The following BAZ1B variants were observed in gnomAD, a reference collection of about 807,000 sequenced individuals.
BAZ1B encodes bromodomain adjacent to zinc finger domain 1B, also known as tyrosine-protein kinase BAZ1B.
A neutral mutation model predicts 153.8 loss-of-function variants in BAZ1B; 22 were observed. The observed-to-expected ratio is 0.14, with a 90% CI of 0.10 to 0.20. The LOEUF (loss-of-function observed/expected upper bound fraction) is 0.20. BAZ1B is among the 10% of genes least tolerant of loss of function. The pLI is 1.00. For synonymous variants in BAZ1B, 676 were observed against 633.4 expected, an observed-to-expected ratio of 1.07 and a Z score of -1.01; for missense variants, 1,325 against 1,799.3, an observed-to-expected ratio of 0.74 and a Z score of 4.77.
At chr7:73,511,938 G>C (rs1790596021) in intron 1 of BAZ1B, among the ~76,000 whole-genome samples, 1 of 148,304 alleles carries the variant, frequency 6.7e-6, no homozygotes, top group African/African-American at 2.5e-5. Flanking sequence ...GGCTGAGGCA[G>C]GAGAATCACT....
At chr7:73,467,909 C>A (rs1487966958) in intron 9 of BAZ1B, among the ~76,000 whole-genome samples, 1 of 152,164 alleles carries the variant, frequency 6.6e-6, no homozygotes. Context: ...TCTAACGAAA[C>A]CAGATTCTTC....
chr7:73,450,315 C>A lies in BAZ1B; in HGVS notation c.3580+532G>T, dbSNP rs73362325. On this transcript the variant is annotated intron_variant, in intron 14 of 19. Transcript: ENST00000339594. The surrounding 1 kb of genome is among the most constrained non-coding windows in gnomAD (Gnocchi z 4.1). ...TCTCCTTCCAACCTTCATTCTAGAGCGATTGAACGCTTTACAGCAACTGAA... is the reference window on the plus strand; with the variant it reads ...TCTCCTTCCAACCTTCATTCTAGAGAGATTGAACGCTTTACAGCAACTGAA... 6.6e-6 allele frequency among the ~76,000 whole-genome samples: 1 copy of A among 152,146 alleles called. No homozygotes were observed. The highest frequency in any genetic ancestry group is 1.9e-4 in the East Asian group (1 of 5,202).
At chr7:73,456,773 C>A (rs542198348) in intron 13 of BAZ1B, among the ~76,000 whole-genome samples, 17 of 151,478 alleles carry the variant, frequency 1.1e-4, no homozygotes, top group Admixed American at 4.6e-4. Flanking sequence ...GAAACCACGT[C>A]TCTACTAAAA....
intron 1 of BAZ1B, among the ~76,000 whole-genome samples, chr7:73,515,923 T>A (rs1173660173): frequency 6.6e-6 from 1 of 151,886 alleles, no homozygotes; most frequent in Non-Finnish European, 1.5e-5. Flanking sequence ...GGGGAACGGA[T>A]CACTTGAGGC....
chr7:73,443,530 C>G (rs75686826), intron 17 of BAZ1B, among the ~76,000 whole-genome samples: 13 of 64,264 alleles, frequency 2.0e-4, no homozygotes, highest in Non-Finnish European at 5.9e-4. Context: ...TCAAGAGTTT[C>G]TTTTTTGTTC....
chr7:73,466,499 A>G, intron 9 of BAZ1B, 98 bp from the exon 10 acceptor site: 3 of 727,986 alleles, frequency 4.1e-6, no homozygotes, highest in Non-Finnish European at 4.9e-6. Flanking sequence ...AATTTGTAAC[A>G]ACACAGATAC....
At chr7:73,463,991 C>A (rs1434278960) in intron 11 of BAZ1B, 5 of 441,740 alleles carry the variant, frequency 1.1e-5, no homozygotes, top group African/African-American at 8.6e-5. Flanking sequence ...CAGGCGTGAG[C>A]CACCGCGGCC....
chr7:73,517,655 G>A (rs950637434), intron 1 of BAZ1B, among the ~76,000 whole-genome samples: 3 of 152,184 alleles, frequency 2.0e-5, no homozygotes, highest in African/African-American at 7.2e-5. Context: ...TAACCTCTCA[G>A]AGCAAATGCC....
At chr7:73,491,292 G>A (rs552845732) in intron 5 of BAZ1B, among the ~76,000 whole-genome samples, 1 of 151,528 alleles carries the variant, frequency 6.6e-6, no homozygotes, top group African/African-American at 2.4e-5. Context: ...TCTCAAAAAA[G>A]ACAAAAAAAC....
chr7:73,459,064 T>G (rs1457983317), intron 13 of BAZ1B, among the ~76,000 whole-genome samples: 7 of 151,890 alleles, frequency 4.6e-5, no homozygotes, highest in Non-Finnish European at 8.8e-5. Flanking sequence ...CTGGCCAACA[T>G]GGTGAAACCC....
At chr7:73,460,126 T>C (rs533049443) in intron 12 of BAZ1B, among the ~76,000 whole-genome samples, 5 of 146,756 alleles carry the variant, frequency 3.4e-5, no homozygotes, top group African/African-American at 7.6e-5. Flanking sequence ...GAGGAGGAGG[T>C]TGCAGTGAGC....
In BAZ1B at chr7:73,442,212, C is replaced by A. The variant is rs140554319; in HGVS notation, c.4436G>T (p.Arg1479Leu). The part of the protein sequence containing the change: ...EPEAVGQSRG[R>L]RQKK ...CCTGCCTCTCTACTTCTTCTGTCTT[C>A]GTCCCCTGGACTGTCCAACGGCCTC... Residue 1479 changes from arginine to leucine, a missense_variant, in exon 19 of 20, where the codon CGA becomes CTA. Transcript: ENST00000339594. 7.4e-7 allele frequency: 1 copy of A among 1,359,280 alleles called. No homozygotes were observed. 84.2% of individuals were successfully genotyped at this position (1,359,280 alleles called of 1,614,324 possible).
chr7:73,449,801 T>G, intron 14 of BAZ1B, 112 bp from the exon 15 acceptor site: 2 of 1,180,318 alleles, frequency 1.7e-6, no homozygotes, highest in Non-Finnish European at 2.3e-6. Context: ...ACATGTTCCA[T>G]AGAATGCTAC....
chr7:73,496,077 T>A (rs1440293559), intron 4 of BAZ1B, among the ~76,000 whole-genome samples: 1 of 152,204 alleles, frequency 6.6e-6, no homozygotes, highest in Admixed American at 6.5e-5. Context: ...TCTCTGCTTT[T>A]GACAATTAAG....
intron 6 of BAZ1B, 60 bp from the exon 7 acceptor site, chr7:73,478,629 T>C: frequency 1.5e-6 from 2 of 1,366,682 alleles, no homozygotes; most frequent in Non-Finnish European, 2.0e-6. Context: ...TTAAGCAACA[T>C]TTAAGCATCT....
intron 1 of BAZ1B, among the ~76,000 whole-genome samples, chr7:73,514,425 C>T (rs564745753): frequency 6.6e-6 from 1 of 150,762 alleles, no homozygotes; most frequent in African/African-American, 2.4e-5. Context: ...CCCAGCTACT[C>T]GGGAGGCTGA....
At chr7:73,468,669 A>G (rs1462358558) in intron 9 of BAZ1B, among the ~76,000 whole-genome samples, 2 of 152,162 alleles carry the variant, frequency 1.3e-5, no homozygotes, top group African/African-American at 4.8e-5. Context: ...GTGTCCCTAC[A>G]TGATCCCCTC....
At chr7:73,484,113 A>C (rs1043024636) in intron 6 of BAZ1B, among the ~76,000 whole-genome samples, 3 of 152,134 alleles carry the variant, frequency 2.0e-5, no homozygotes, top group Non-Finnish European at 4.4e-5. Context: ...CAAAAATAGA[A>C]AAATTAGCCA....
intron 1 of BAZ1B, among the ~76,000 whole-genome samples, chr7:73,521,037 C>T (rs1482891168): frequency 1.3e-5 from 2 of 152,142 alleles, no homozygotes; most frequent in Non-Finnish European, 2.9e-5. Context: ...CGAGAGGATG[C>T]TTCCTTTGTA....
Sources: gnomAD v4.1 joint callset for allele counts (sites outside exome capture counted in the v4.1 genomes callset) on GRCh38, gnomAD v4.1.1 for gene constraint, Gnocchi (gnomAD v3.1) non-coding constraint, MANE v1.5 for transcripts, NCBI Gene and HGNC (gene_info 2026-07-23, HGNC 2026-07-21) for gene names.